Variants in ZNF407 observed in about 807,000 individuals in gnomAD.
ZNF407 encodes the protein zinc finger protein 407.
A neutral mutation model predicts 131.2 loss-of-function variants in ZNF407; 17 were observed. That is an observed-to-expected ratio of 0.13 (90% CI 0.09 to 0.19). The LOEUF is 0.19. Ranked by LOEUF, ZNF407 falls within the 10% of genes least tolerant of loss-of-function variation. The probability of loss-of-function intolerance (pLI) is 1.00; values close to 1 mark genes in which losing one functional copy is unlikely to be tolerated. For synonymous variants in ZNF407, 1,156 were observed against 1,062.0 expected (o/e 1.09, Z -1.72); for missense variants, 2,681 against 2,830.6 (o/e 0.95, Z 1.20).
intron 6 of ZNF407, among the ~76,000 whole-genome samples, chr18:74,885,603 C>T (rs980645232): frequency 2.9e-4 from 44 of 152,170 alleles, no homozygotes; most frequent in African/African-American, 1.0e-3. Flanking sequence ...TAATGAAATC[C>T]TTCTGGTGTT....
intron 4 of ZNF407, among the ~76,000 whole-genome samples, chr18:74,802,022 A>G (rs1305584834): frequency 6.6e-6 from 1 of 152,210 alleles, no homozygotes; most frequent in Non-Finnish European, 1.5e-5. Flanking sequence ...CTTAAACAAA[A>G]TAGAACCAAC....
chr18:74,937,820 A>T (rs1046620648), intron 8 of ZNF407, among the ~76,000 whole-genome samples: 1 of 152,216 alleles, frequency 6.6e-6, no homozygotes, highest in Non-Finnish European at 1.5e-5. Flanking sequence ...CTGAACATTA[A>T]GTTTTAAAAA....
intron 4 of ZNF407, among the ~76,000 whole-genome samples, chr18:74,873,719 A>G (rs997890796): frequency 6.6e-6 from 1 of 152,046 alleles, no homozygotes; most frequent in East Asian, 1.9e-4. Context: ...TCTTAAAAAA[A>G]AAAAAAAGGA....
At chr18:75,027,046 T>C (rs1232304214) in intron 8 of ZNF407, among the ~76,000 whole-genome samples, 1 of 152,234 alleles carries the variant, frequency 6.6e-6, no homozygotes, top group Non-Finnish European at 1.5e-5. Context: ...GTATGTGGCC[T>C]GCGATGGAGA....
intron 8 of ZNF407, among the ~76,000 whole-genome samples, chr18:75,032,365 G>A (rs1599303431): frequency 6.6e-6 from 1 of 152,248 alleles, no homozygotes; most frequent in East Asian, 1.9e-4. Context: ...TTCATCCCAA[G>A]TTCCCTGCTT....
intron 3 of ZNF407, among the ~76,000 whole-genome samples, chr18:74,682,603 T>TA (rs1406476556): frequency 6.6e-6 from 1 of 152,360 alleles, no homozygotes; most frequent in East Asian, 1.9e-4. Flanking sequence ...GGTCACAGCT[T>TA]ACTGCAACTG....
At chr18:74,966,119 T>C (rs1178303360) in intron 8 of ZNF407, among the ~76,000 whole-genome samples, 1 of 152,258 alleles carries the variant, frequency 6.6e-6, no homozygotes, top group Non-Finnish European at 1.5e-5. Flanking sequence ...GCATTATTGC[T>C]TCACTTTGTT....
intron 4 of ZNF407, among the ~76,000 whole-genome samples, chr18:74,806,635 C>G (rs1454581019): frequency 6.6e-6 from 1 of 152,190 alleles, no homozygotes; most frequent in Non-Finnish European, 1.5e-5. Flanking sequence ...GTGGATAAAG[C>G]TCTAGCAGAG....
intron 1 of ZNF407, among the ~76,000 whole-genome samples, chr18:74,626,647 A>G (rs1983799059): frequency 6.6e-6 from 1 of 152,186 alleles, no homozygotes; most frequent in South Asian, 2.1e-4. Context: ...AAACAGCCCT[A>G]ATGTCTATCA....
intron 8 of ZNF407, among the ~76,000 whole-genome samples, chr18:74,965,774 C>CAACACTGTTTA (rs1972402445): frequency 6.6e-6 from 1 of 152,192 alleles, no homozygotes; most frequent in African/African-American, 2.4e-5. Context: ...ATGTTCCCAA[C>CAACACTGTTTA]AACACTGTTT....
At chr18:74,960,144 C>T (rs1410756239) in intron 8 of ZNF407, among the ~76,000 whole-genome samples, 3 of 152,166 alleles carry the variant, frequency 2.0e-5, no homozygotes, top group Non-Finnish European at 4.4e-5. Flanking sequence ...CTTTTTGGCA[C>T]TTTTAGGATT....
At chr18:74,759,468 A>G (rs191974404) in intron 3 of ZNF407, among the ~76,000 whole-genome samples, 3 of 151,782 alleles carry the variant, frequency 2.0e-5, no homozygotes, top group African/African-American at 4.8e-5. Flanking sequence ...TATGTCCTTA[A>G]TATTATGTCC....
At chr18:74,870,127 A>C (rs1181056818) in intron 4 of ZNF407, among the ~76,000 whole-genome samples, 2 of 152,180 alleles carry the variant, frequency 1.3e-5, no homozygotes, top group African/African-American at 4.8e-5. Flanking sequence ...CCTGGGGTTA[A>C]TATTCTGCTT....
intron 3 of ZNF407, among the ~76,000 whole-genome samples, chr18:74,768,061 A>G (rs28372156): frequency 0.019 from 2,869 of 152,212 alleles, 85 homozygotes; most frequent in African/African-American, 0.059. Context: ...TCATTTTCAC[A>G]TAAATTACAA....
At position 74,846,110 on chromosome 18, in the gene ZNF407, T is replaced by C. The variant is rs1474744313; in HGVS notation, c.4878-31087T>C. 2.0e-5 allele frequency among the ~76,000 whole-genome samples: 3 copies of C among 152,208 alleles called. No homozygotes were observed. In the East Asian group the frequency reaches 5.8e-4, roughly 29 times the overall value. The stretch of plus-strand genomic sequence containing the variant: ...CTCACTAGAAATTATTTTTGAGAGA[T>C]GCTAGTGAATCAGGAGGAAATGTGA... On this transcript the variant is annotated intron_variant, in intron 4 of 8. Coordinates refer to ENST00000299687, the MANE Select transcript of ZNF407 (RefSeq NM_017757.3).
chr18:74,678,870 T>C (rs28573384), intron 3 of ZNF407, among the ~76,000 whole-genome samples: 12,582 of 152,198 alleles, frequency 0.083, 692 homozygotes, highest in African/African-American at 0.16. Context: ...CTAAAGTAGA[T>C]ATAAATATTA....
chr18:75,015,922 A>G (rs1454247050), intron 8 of ZNF407, among the ~76,000 whole-genome samples: 1 of 152,084 alleles, frequency 6.6e-6, no homozygotes, highest in Non-Finnish European at 1.5e-5. Context: ...TTACAGTTTT[A>G]TAACTTTTAA....
chr18:74,982,751 A>G lies in ZNF407; in HGVS notation c.5428+62059A>G, dbSNP rs148484759. 3.9e-3 allele frequency among the ~76,000 whole-genome samples: 590 copies of G among 152,356 alleles called. 11 individuals are homozygous for G. Among genetic ancestry groups the G allele is most frequent in the African/African-American group, 0.013 (561 of 41,592 alleles). ...CAAGCAGACATTGAATTTTTGTTCT[A>G]AAACGGCAAATTAAATCTGTCTCTG... On this transcript the variant is annotated intron_variant, in intron 8 of 8. Transcript: ENST00000299687.
chr18:74,917,011 T>C (rs978712720), intron 7 of ZNF407, among the ~76,000 whole-genome samples: 1 of 152,068 alleles, frequency 6.6e-6, no homozygotes, highest in Non-Finnish European at 1.5e-5. Flanking sequence ...ACATGTGGCC[T>C]CTGAGGTTCC....
Sources: allele counts gnomAD v4.1 joint callset (sites outside exome capture counted in the v4.1 genomes callset), GRCh38; gene constraint gnomAD v4.1.1; transcripts MANE v1.5; gene names NCBI Gene and HGNC (gene_info 2026-07-23, HGNC 2026-07-21).